Variants in ZBTB40 observed in about 807,000 individuals in gnomAD.
ZBTB40 encodes zinc finger and BTB domain-containing protein 40.
A neutral mutation model predicts 117.5 loss-of-function variants in ZBTB40; 60 were observed. The ratio of observed to expected loss-of-function variants is 0.51; its 90% CI spans 0.41 to 0.63. The LOEUF (loss-of-function observed/expected upper bound fraction) is 0.63. Ranked by LOEUF, ZBTB40 falls within the 30% of genes least tolerant of loss-of-function variation. The pLI is 0.00. For missense variants in ZBTB40, 1,287 were observed against 1,498.5 expected (o/e 0.86, Z 2.33); for synonymous variants, 525 against 577.1 (o/e 0.91, Z 1.29).
intron 1 of ZBTB40, among the ~76,000 whole-genome samples, chr1:22,470,897 C>T (rs1324865427): frequency 1.3e-5 from 2 of 152,220 alleles, no homozygotes; most frequent in African/African-American, 2.4e-5. Flanking sequence ...ATACACCTAA[C>T]TTCCTTTGCT....
intron 1 of ZBTB40, among the ~76,000 whole-genome samples, chr1:22,479,960 G>A (rs930886070): frequency 1.1e-4 from 17 of 152,136 alleles, no homozygotes; most frequent in Admixed American, 1.0e-3. Context: ...AGGCTGGAGT[G>A]CAGTAACACC....
At position 22,506,012 on chromosome 1, in the gene ZBTB40, C is replaced by G. The variant is rs780659230; in HGVS notation, c.1168-37C>G. On this transcript the variant is annotated intron_variant, in intron 5 of 17. Coordinates refer to ENST00000375647, the MANE Select transcript of ZBTB40 (RefSeq NM_014870.4). ...GTGTGTCAGATAAATGTTGAATTGC[C>G]AGTAACTGGTGTCTGGTTGATTGCT... 24 of 1,611,208 alleles carry G rather than the reference C, an allele frequency of 1.5e-5. No homozygotes were observed. In the African/African-American group the frequency reaches 3.2e-4, roughly 22 times the overall value.
chr1:22,446,496 A>G (rs1270563424), intron 1 of ZBTB40, among the ~76,000 whole-genome samples: 4 of 152,048 alleles, frequency 2.6e-5, no homozygotes, highest in Non-Finnish European at 4.4e-5. Flanking sequence ...AGAAAAACCA[A>G]AGATGAAGAA....
intron 17 of ZBTB40, among the ~76,000 whole-genome samples, chr1:22,525,155 A>T (rs573242131): frequency 1.6e-4 from 24 of 152,328 alleles, no homozygotes; most frequent in African/African-American, 5.5e-4. Flanking sequence ...GAAGTCAGGT[A>T]GGCAGGACTC....
At chr1:22,462,305 G>C (rs945620975) in intron 1 of ZBTB40, among the ~76,000 whole-genome samples, 1 of 152,132 alleles carries the variant, frequency 6.6e-6, no homozygotes, top group Non-Finnish European at 1.5e-5. Flanking sequence ...CTGGCTTTGT[G>C]ATTTGGGGCA....
intron 12 of ZBTB40, among the ~76,000 whole-genome samples, chr1:22,515,291 T>C (rs1317029558): frequency 1.3e-5 from 2 of 152,222 alleles, no homozygotes; most frequent in East Asian, 1.9e-4. Flanking sequence ...CCAGAGATGC[T>C]AGCAAAGGCT....
At position 22,440,454 on chromosome 1, in the gene ZBTB40, T is replaced by C. The variant is rs139089274; in HGVS notation, c.-70+11440T>C. 9.8e-3 allele frequency among the ~76,000 whole-genome samples: 1,493 copies of C among 152,232 alleles called. 90 individuals are homozygous for C. The highest frequency in any genetic ancestry group is 0.081 in the Admixed American group (1,245 of 15,278). ...AAGTTTGAGTCCAGCCTGGGAAAAA[T>C]AGCAAGAGCCCGGTCTCCAAAACAC... On this transcript the variant is annotated intron_variant, in intron 1 of 8. Transcript: ENST00000650433.
chr1:22,453,614 A>G (rs1640935298), intron 1 of ZBTB40, among the ~76,000 whole-genome samples: 1 of 152,194 alleles, frequency 6.6e-6, no homozygotes, highest in African/African-American at 2.4e-5. Flanking sequence ...ATTTATATGG[A>G]CTATCACTTA....
chr1:22,511,266 A>G lies in ZBTB40; in HGVS notation c.1921A>G (p.Ile641Val). The change falls in exon 10 of 18, where the codon ATT becomes GTT. Residue 641 changes from isoleucine to valine, a missense_variant. Physicochemically the swap from Ile to Val is conservative, Grantham distance 29 (BLOSUM62 3). Coordinates refer to ENST00000375647, the MANE Select transcript of ZBTB40 (RefSeq NM_014870.4). Reference sequence around the variant, plus strand: ...AGCCATGGAAAAATCAGTCCCGGCCATTGAAATATGCCACCTCCTGTGCAG... The same window carrying G: ...AGCCATGGAAAAATCAGTCCCGGCCGTTGAAATATGCCACCTCCTGTGCAG... Reference protein sequence around the residue: ...SRAMEKSVPAIEICHLLCSVH... With the variant: ...SRAMEKSVPAVEICHLLCSVH... The G allele has an allele frequency of 2.5e-6, 4 of 1,614,072 alleles. No individual in the cohort carries two copies. The highest frequency in any genetic ancestry group is 3.4e-6 in the Non-Finnish European group (4 of 1,180,028).
intron 3 of ZBTB40, among the ~76,000 whole-genome samples, chr1:22,492,811 CTT>C (rs1638669412): frequency 6.6e-6 from 1 of 152,202 alleles, no homozygotes; most frequent in African/African-American, 2.4e-5. Context: ...CCTTGGTACT[CTT>C]TGTACTGATT....
intron 13 of ZBTB40, 54 bp from the exon 14 acceptor site, chr1:22,520,007 G>A: frequency 6.6e-7 from 1 of 1,506,778 alleles, no homozygotes; most frequent in Non-Finnish European, 9.2e-7. Context: ...GGCTGCCTAT[G>A]GTGTTTTCTT....
At chr1:22,522,637 G>A (rs1369296499) in intron 16 of ZBTB40, among the ~76,000 whole-genome samples, 174 bp downstream of exon 16, 1 of 152,176 alleles carries the variant, frequency 6.6e-6, no homozygotes, top group Non-Finnish European at 1.5e-5. Context: ...GTGAAAAACT[G>A]AAGGCCTTGG....
At position 22,529,693 on chromosome 1, in the gene ZBTB40, G is replaced by C. The variant is rs1056547476; in HGVS notation, c.*3297G>C. On this transcript the variant is annotated 3_prime_UTR_variant, in exon 18 of 18. Coordinates refer to ENST00000375647, the MANE Select transcript of ZBTB40 (RefSeq NM_014870.4). ...CTTCTGTCTCAGAAGCTCTGTGTTT[G>C]GGAAACTTTGAGCCCAGTGAGTAGC... 1.3e-5 allele frequency: 2 copies of C among 152,170 alleles called. No homozygotes were observed. Among genetic ancestry groups the C allele is most frequent in the African/African-American group, 4.8e-5 (2 of 41,402 alleles). The allele number at this position is 152,170 out of a possible 1,614,324, so 9.4% of individuals were successfully genotyped here. A position where few individuals can be genotyped will look rare whatever the true frequency, so the allele number is the denominator to read the frequency against.
At chr1:22,511,556 C>A in intron 10 of ZBTB40, 120 bp from the exon 11 acceptor site, 2 of 1,270,928 alleles carry the variant, frequency 1.6e-6, no homozygotes, top group Non-Finnish European at 1.1e-6. Context: ...GATATTACTT[C>A]AGAGTGTTTT....
chr1:22,466,494 C>T (rs970273072), intron 1 of ZBTB40, among the ~76,000 whole-genome samples: 11 of 152,132 alleles, frequency 7.2e-5, no homozygotes, highest in African/African-American at 2.4e-4. Flanking sequence ...ATCTTATGTT[C>T]CCACCAGCAA....
intron 5 of ZBTB40, among the ~76,000 whole-genome samples, chr1:22,504,793 G>T (rs1204531087): frequency 1.3e-5 from 2 of 152,212 alleles, no homozygotes; most frequent in Non-Finnish European, 2.9e-5. Flanking sequence ...ATAAATATTA[G>T]AACTGCAATT....
At chr1:22,511,051 T>C (rs1639217062) in intron 9 of ZBTB40, 128 bp from the exon 10 acceptor site, 1 of 1,218,802 alleles carries the variant, frequency 8.2e-7, no homozygotes, top group Non-Finnish European at 1.2e-6. Flanking sequence ...CAAGGCGATG[T>C]ATAAACTGCT....
chr1:22,438,842 G>A (rs1166420496), intron 1 of ZBTB40, among the ~76,000 whole-genome samples: 5 of 151,902 alleles, frequency 3.3e-5, no homozygotes, highest in South Asian at 2.1e-4. Context: ...ATATTCTTTT[G>A]CCCATTTTTT....
chr1:22,487,293 G>A (rs1043456921), intron 1 of ZBTB40, among the ~76,000 whole-genome samples: 2 of 152,152 alleles, frequency 1.3e-5, no homozygotes, highest in Non-Finnish European at 2.9e-5. Context: ...TGTAGAAATG[G>A]TGGAGTGGAA....
Sources: gnomAD v4.1 joint callset for allele counts (sites outside exome capture counted in the v4.1 genomes callset) on GRCh38, gnomAD v4.1.1 for gene constraint, MANE v1.5 for transcripts, NCBI Gene and HGNC (gene_info 2026-07-23, HGNC 2026-07-21) for gene names.